Variants in ZNF510 observed in about 807,000 individuals in gnomAD.
ZNF510 encodes the protein zinc finger protein 510.
Under a neutral mutation model 18.1 loss-of-function variants are expected in ZNF510, and 15 were observed. The ratio of observed to expected loss-of-function variants is 0.83; its 90% CI spans 0.55 to 1.28. ZNF510 has a LOEUF of 1.28. Ranked by LOEUF, ZNF510 falls within the 50% of genes most tolerant of loss-of-function variation. The probability of loss-of-function intolerance (pLI) is 0.00; values close to 1 mark genes in which losing one functional copy is unlikely to be tolerated. For synonymous variants in ZNF510, 261 were observed against 266.4 expected, an observed-to-expected ratio of 0.98 and a Z score of 0.20; for missense variants, 724 against 791.8, an observed-to-expected ratio of 0.91 and a Z score of 1.03.
chr9:96,772,731 A>AG (rs1328253231), intron 3 of ZNF510, among the ~76,000 whole-genome samples: 2 of 152,244 alleles, frequency 1.3e-5, no homozygotes, highest in African/African-American at 4.8e-5. Context: ...GATTGATAAT[A>AG]ACAAGTGTTG....
At chr9:96,776,772 GA>G (rs1402345806) in intron 1 of ZNF510, among the ~76,000 whole-genome samples, 1 of 152,104 alleles carries the variant, frequency 6.6e-6, no homozygotes, top group Admixed American at 6.5e-5. Flanking sequence ...GCGACAGAGA[GA>G]AACTCAGTCC....
At chr9:96,772,016 A>G (rs1044152635) in intron 3 of ZNF510, among the ~76,000 whole-genome samples, 2 of 152,200 alleles carry the variant, frequency 1.3e-5, no homozygotes, top group Non-Finnish European at 2.9e-5. Context: ...AATTCACAAA[A>G]TTTGTGACTT....
intron 3 of ZNF510, among the ~76,000 whole-genome samples, chr9:96,767,924 CTA>C (rs1849508855): frequency 6.6e-6 from 1 of 152,110 alleles, no homozygotes; most frequent in East Asian, 1.9e-4. Context: ...CACCCAAAAA[CTA>C]TGATATGTAT....
At chr9:96,760,532 G>C in intron 5 of ZNF510, 55 bp from the exon 6 acceptor site, 1 of 1,469,668 alleles carries the variant, frequency 6.8e-7, no homozygotes, top group East Asian at 2.3e-5. Context: ...TGTGGGTAGA[G>C]CTTTATCAAC....
At position 96,759,293 on chromosome 9, in the gene ZNF510, C is replaced by T. The variant is rs143958328; in HGVS notation, c.1537G>A (p.Glu513Lys). ...CATTGATTGCATTGAAAGGATTTCT[C>T]CCCTGTGTGAATTCTGTGATGATCT... is the stretch of plus-strand genomic sequence containing the variant. ...LRDHHRIHTG[E>K]KSFQCNQCGK... The change falls in exon 6 of 6, where the codon GAG (glutamate) becomes AAG (lysine). Residue 513 changes from glutamate to lysine, a missense_variant. Physicochemically the swap from Glu to Lys is moderately conservative, Grantham distance 56. Transcript: ENST00000223428. 7.4e-6 allele frequency: 12 copies of T among 1,613,970 alleles called. No individual in the cohort carries two copies. In the African/African-American group the frequency reaches 1.3e-4, roughly 18 times the overall value.
chr9:96,760,260 G>A lies in ZNF510; in HGVS notation c.570C>T (p.Ile190=). 1 of 1,612,676 alleles carries A rather than the reference G, an allele frequency of 6.2e-7. No individual in the cohort carries two copies. ...EVNLQSISEF[I]INNRNYSTKK... is the part of the protein sequence containing the mutation. ...TTGTTGAATAGTTTCTATTATTAAT[G>A]ATAAATTCAGAAATACTTTGCAAAT... The change falls in exon 6 of 6, where the codon ATC becomes ATT. Residue 190 remains isoleucine, a synonymous_variant. Coordinates refer to ENST00000223428, the MANE Select transcript of ZNF510 (RefSeq NM_014930.3).
Position 96,758,824 on chromosome 9 carries a change from G to A in ZNF510, c.2006C>T (p.Thr669Ile). The change falls in exon 6 of 6, where the codon ACC (threonine) becomes ATC (isoleucine). Residue 669 changes from threonine to isoleucine, a missense_variant. Physicochemically the swap from Thr to Ile is moderately conservative, Grantham distance 89. Transcript: ENST00000223428. ...CTGAATTTTCTGGTATAAGCTTAGG[G>A]TAGACTTCTTACATAATTTCCCATA... ...NEYGKLCKKS[T>I]LSLYQKIQGE... The A allele has an allele frequency of 1.9e-6, 3 of 1,611,822 alleles. No homozygotes were observed. The highest frequency in any genetic ancestry group is 2.5e-6 in the Non-Finnish European group (3 of 1,178,664).
rs1849698731 is a variant in ZNF510 at position 96,776,157 on chromosome 9, C to T, written c.-88G>A. ...ACCTGCTCCTTTCTGGGTTCTTCTG[C>T]ATCTGTTTGGAAGCCCTGGTGAGGA... On this transcript the variant is annotated 5_prime_UTR_variant, in exon 2 of 6. An upstream start codon of the reference 5' UTR is lost. Transcript: ENST00000223428. 6.5e-6 allele frequency: 10 copies of T among 1,527,304 alleles called. No homozygotes were observed. In the South Asian group the frequency reaches 1.3e-4, roughly 19 times the overall value. The allele number at this position is 1,527,304 out of a possible 1,614,324, so 94.6% of individuals were successfully genotyped here. A position where few individuals can be genotyped will look rare whatever the true frequency, so the allele number is the denominator to read the frequency against.
intron 5 of ZNF510, 147 bp downstream of exon 5, chr9:96,762,971 T>TAA (rs1849387398): frequency 1.6e-6 from 1 of 637,724 alleles, no homozygotes; most frequent in Non-Finnish European, 2.8e-6. Context: ...TGGAATCAAC[T>TAA]TTATTAATTA....
intron 5 of ZNF510, among the ~76,000 whole-genome samples, chr9:96,762,749 A>G (rs552377636): frequency 6.6e-6 from 1 of 152,322 alleles, no homozygotes; most frequent in East Asian, 1.9e-4. Context: ...TCAAAGATTT[A>G]CTGGGCATAC....
At chr9:96,766,874 A>G (rs769390999) in intron 3 of ZNF510, among the ~76,000 whole-genome samples, 3 of 152,162 alleles carry the variant, frequency 2.0e-5, no homozygotes, top group Non-Finnish European at 4.4e-5. Context: ...TGCTTACTGG[A>G]GCAGATGCTA....
chr9:96,764,890 G>A (rs182035625), intron 3 of ZNF510, among the ~76,000 whole-genome samples: 88 of 152,166 alleles, frequency 5.8e-4, no homozygotes, highest in South Asian at 2.1e-4. Flanking sequence ...CGAGGCAGGC[G>A]GATCACGAGG....
At chr9:96,777,113 T>C (rs1234686186) in intron 1 of ZNF510, among the ~76,000 whole-genome samples, 1 of 152,200 alleles carries the variant, frequency 6.6e-6, no homozygotes, top group African/African-American at 2.4e-5. Flanking sequence ...AATATCAGAC[T>C]GACTTCTAAA....
chr9:96,760,374 T>G lies in ZNF510; in HGVS notation c.456A>C (p.Glu152Asp). 6.2e-7 allele frequency: 1 copy of G among 1,613,848 alleles called. No homozygotes were observed. Among genetic ancestry groups the G allele is most frequent in the East Asian group, 2.2e-5 (1 of 44,840 alleles). The change falls in exon 6 of 6, where the codon GAA becomes GAC. Residue 152 changes from glutamate (E) to aspartate (D), a missense_variant. Transcript: ENST00000223428. The part of the protein sequence containing the change: ...CINNKTLTTE[E>D]EKVLGKPFTL... ...TAAATGGTTTCCCCAAAACTTTCTC[T>G]TCCTCTGTAGTCAATGTTTTATTAT...
chr9:96,769,543 T>G (rs1849543934), intron 3 of ZNF510, among the ~76,000 whole-genome samples: 1 of 152,152 alleles, frequency 6.6e-6, no homozygotes, highest in Admixed American at 6.5e-5. Context: ...GACCTTGGAT[T>G]TGGCAATGAC....
intron 3 of ZNF510, among the ~76,000 whole-genome samples, chr9:96,769,263 C>T (rs964807056): frequency 4.0e-5 from 6 of 151,844 alleles, no homozygotes; most frequent in African/African-American, 1.2e-4. Context: ...GGTGAAACTC[C>T]GTCTCTACTG....
chr9:96,757,909 C>CT lies in ZNF510; in HGVS notation c.*868dup, dbSNP rs1849233694. 2.0e-5 allele frequency: 3 copies of CT among 152,076 alleles called. No homozygotes were observed. The highest frequency in any genetic ancestry group is 7.2e-5 in the African/African-American group (3 of 41,452). 9.4% of individuals were successfully genotyped at this position (152,076 alleles called of 1,614,324 possible). On this transcript the variant is annotated 3_prime_UTR_variant, in exon 6 of 6. Coordinates refer to ENST00000223428, the MANE Select transcript of ZNF510 (RefSeq NM_014930.3). ...ACTAAAATGTCAAGTAAGTGACTAA[C>CT]TGGCAGATAGTGTATACACTGTGGA...
At chr9:96,763,469 A>T in intron 4 of ZNF510, 37 bp downstream of exon 4, 1 of 1,568,266 alleles carries the variant, frequency 6.4e-7, no homozygotes. Flanking sequence ...TACCTTCTAT[A>T]TGGAGTTACA....
chr9:96,771,256 ATAACT>A (rs1376424034), intron 3 of ZNF510, among the ~76,000 whole-genome samples: 7 of 152,218 alleles, frequency 4.6e-5, no homozygotes, highest in Non-Finnish European at 8.8e-5. Flanking sequence ...GAATCCAGAA[ATAACT>A]TAAAGTGATA....
Sources: allele counts gnomAD v4.1 joint callset (sites outside exome capture counted in the v4.1 genomes callset), GRCh38; gene constraint gnomAD v4.1.1; transcripts MANE v1.5; gene names NCBI Gene and HGNC (gene_info 2026-07-23, HGNC 2026-07-21).